SUMF1: variants seen among roughly 807,000 people sequenced by gnomAD.
SUMF1 encodes the protein sulfatase modifying factor 1, also known as formylglycine-generating enzyme.
A neutral mutation model predicts 47.6 loss-of-function variants in SUMF1; 48 were observed. The observed-to-expected ratio is 1.01, with a 90% CI of 0.80 to 1.28. The LOEUF (loss-of-function observed/expected upper bound fraction) is 1.28, where lower values mean the gene tolerates loss of function less well. SUMF1 is among the 50% of genes most tolerant of loss of function. The probability of loss-of-function intolerance (pLI) is 0.00; values close to 1 mark genes in which losing one functional copy is unlikely to be tolerated. For missense variants in SUMF1, 571 were observed against 485.4 expected, an observed-to-expected ratio of 1.18 and a Z score of -1.66; for synonymous variants, 230 against 192.1, an observed-to-expected ratio of 1.20 and a Z score of -1.63.
At chr3:4,060,368 C>T (rs1264482742) in intron 9 of SUMF1, among the ~76,000 whole-genome samples, 1 of 152,194 alleles carries the variant, frequency 6.6e-6, no homozygotes, top group Non-Finnish European at 1.5e-5. Context: ...AGGAATGCCA[C>T]TGTGTGCCCT....
intron 3 of SUMF1, among the ~76,000 whole-genome samples, chr3:4,436,829 A>T (rs1011483478): frequency 2.1e-4 from 31 of 150,698 alleles, no homozygotes; most frequent in African/African-American, 7.3e-4. Context: ...ATAACCTTAA[A>T]ATCAGCCAGA....
intron 8 of SUMF1, among the ~76,000 whole-genome samples, chr3:4,204,715 T>C (rs1481446846): frequency 6.6e-6 from 1 of 152,118 alleles, no homozygotes; most frequent in Non-Finnish European, 1.5e-5. Flanking sequence ...TCAGATAGCC[T>C]GTCTTCAAGC....
At chr3:4,437,730 G>A (rs941460815) in intron 3 of SUMF1, among the ~76,000 whole-genome samples, 15 of 152,280 alleles carry the variant, frequency 9.9e-5, no homozygotes, top group African/African-American at 3.4e-4. Context: ...CTTGAGTTCA[G>A]GAGTTCGAGA....
intron 8 of SUMF1, among the ~76,000 whole-genome samples, chr3:4,167,400 C>T (rs1396180365): frequency 6.6e-6 from 1 of 152,052 alleles, no homozygotes; most frequent in Non-Finnish European, 1.5e-5. Flanking sequence ...GCTGAATGGT[C>T]CATTTTATAA....
intron 9 of SUMF1, among the ~76,000 whole-genome samples, chr3:4,052,529 C>T (rs1030316336): frequency 6.6e-6 from 1 of 152,170 alleles, no homozygotes; most frequent in Non-Finnish European, 1.5e-5. Flanking sequence ...AGTGGAACTA[C>T]TCTAACAACA....
At chr3:4,117,670 C>T (rs1179654711) in intron 8 of SUMF1, among the ~76,000 whole-genome samples, 1 of 152,036 alleles carries the variant, frequency 6.6e-6, no homozygotes, top group African/African-American at 2.4e-5. Context: ...ATACCTAATT[C>T]AGGTAAGAAT....
At chr3:4,248,482 C>T (rs13097452) in intron 8 of SUMF1, among the ~76,000 whole-genome samples, 55,006 of 151,976 alleles carry the variant, frequency 0.36, 10,817 homozygotes, top group Non-Finnish European at 0.45. Context: ...CTAAAAAGAA[C>T]GGCCCTCAAA....
At chr3:4,055,532 G>C (rs1695176187) in intron 9 of SUMF1, among the ~76,000 whole-genome samples, 1 of 151,772 alleles carries the variant, frequency 6.6e-6, no homozygotes, top group Middle Eastern at 3.2e-3. Flanking sequence ...ACTCCAGTTG[G>C]AGTACAATAG....
chr3:4,460,412 C>T lies in SUMF1; in HGVS notation c.270+6564G>A, dbSNP rs183217288. On this transcript the variant is annotated intron_variant, in intron 1 of 8. Transcript: ENST00000272902. The stretch of plus-strand genomic sequence containing the variant: ...ACTTAAAACTGTCAGGAATTCCTAT[C>T]GCCTTTCAGAATAACATATATAAAC... Among the ~76,000 whole-genome samples the T allele has an allele frequency of 4.4e-4, 67 of 152,144 alleles. 1 individual carries two copies. Among genetic ancestry groups the T allele is most frequent in the Admixed American group, 2.0e-3 (30 of 15,268 alleles).
At chr3:4,070,360 A>G (rs1430280873) in intron 8 of SUMF1, among the ~76,000 whole-genome samples, 1 of 152,122 alleles carries the variant, frequency 6.6e-6, no homozygotes, top group Admixed American at 6.5e-5. Flanking sequence ...AATATTATAC[A>G]GTGTTTGACT....
chr3:4,335,977 A>AAC, intron 8 of SUMF1, among the ~76,000 whole-genome samples: 1 of 150,900 alleles, frequency 6.6e-6, no homozygotes, highest in African/African-American at 2.4e-5. Flanking sequence ...AAAAAAAAAA[A>AAC]AAACAGAAAA....
chr3:4,331,838 T>A (rs1699058317), intron 8 of SUMF1, among the ~76,000 whole-genome samples: 1 of 148,668 alleles, frequency 6.7e-6, no homozygotes, highest in Non-Finnish European at 1.5e-5. Context: ...TCCAAAAAAT[T>A]AAATAAATAA....
chr3:4,198,675 G>A (rs1695481018), intron 8 of SUMF1, among the ~76,000 whole-genome samples: 1 of 152,048 alleles, frequency 6.6e-6, no homozygotes, highest in African/African-American at 2.4e-5. Flanking sequence ...CTTCTGGTGT[G>A]CTCAGCTGGA....
chr3:4,460,822 A>G (rs950349827), intron 1 of SUMF1, among the ~76,000 whole-genome samples: 2 of 151,314 alleles, frequency 1.3e-5, no homozygotes, highest in Admixed American at 1.3e-4. Context: ...ACACCCTGCT[A>G]ATTTTTTTTT....
intron 8 of SUMF1, among the ~76,000 whole-genome samples, chr3:4,115,229 T>G (rs1440449588): frequency 6.6e-6 from 1 of 152,010 alleles, no homozygotes; most frequent in Non-Finnish European, 1.5e-5. Context: ...GCAGCCAGTC[T>G]CCAGGGGAAG....
chr3:4,177,428 C>T (rs184388525), intron 8 of SUMF1, among the ~76,000 whole-genome samples: 148 of 152,212 alleles, frequency 9.7e-4, no homozygotes, highest in Non-Finnish European at 1.6e-3. Context: ...ACAACTCGCT[C>T]CTGAATGACT....
chr3:4,187,844 A>G (rs1240419297), intron 8 of SUMF1, among the ~76,000 whole-genome samples: 1 of 152,194 alleles, frequency 6.6e-6, no homozygotes, highest in African/African-American at 2.4e-5. Context: ...TATTGCCAAA[A>G]TAATGTTTTT....
chr3:4,107,239 A>G (rs1693178875), intron 8 of SUMF1, among the ~76,000 whole-genome samples: 1 of 152,138 alleles, frequency 6.6e-6, no homozygotes, highest in South Asian at 2.1e-4. Context: ...TCTTTCTCTG[A>G]TGCCCATACT....
rs1699782059 is a variant in SUMF1 at position 4,362,124 on chromosome 3, G to C, written c.*20C>G. 1.2e-6 allele frequency: 2 copies of C among 1,610,676 alleles called. No individual in the cohort carries two copies. The highest frequency in any genetic ancestry group is 2.7e-5 in the African/African-American group (2 of 74,834). On this transcript the variant is annotated 3_prime_UTR_variant, in exon 9 of 9. Coordinates refer to ENST00000272902, the MANE Select transcript of SUMF1 (RefSeq NM_182760.4). ...TCAGACACGACTGCTCCTTGGACTG[G>C]GGAAGACTTTCCTTGGTTGTCAGTC...
Sources: gnomAD v4.1 joint callset for allele counts (sites outside exome capture counted in the v4.1 genomes callset) on GRCh38, gnomAD v4.1.1 for gene constraint, MANE v1.5 for transcripts, NCBI Gene and HGNC (gene_info 2026-07-23, HGNC 2026-07-21) for gene names.